Variants in PRKCB observed in about 807,000 individuals in gnomAD.
The protein encoded by PRKCB is protein kinase C beta type.
A neutral mutation model predicts 81.5 loss-of-function variants in PRKCB; 13 were observed. The ratio of observed to expected loss-of-function variants is 0.16; its 90% CI spans 0.10 to 0.25. The LOEUF is 0.25. PRKCB is among the 10% of genes least tolerant of loss of function. PRKCB has a pLI of 1.00. For missense variants in PRKCB, 509 were observed against 875.7 expected (o/e 0.58, Z 5.29); for synonymous variants, 335 against 321.4 (o/e 1.04, Z -0.45).
chr16:24,028,720 C>G (rs34001338), intron 3 of PRKCB, among the ~76,000 whole-genome samples: 61,717 of 152,042 alleles, frequency 0.41, 12,865 homozygotes, highest in South Asian at 0.62. Flanking sequence ...TCCATTCACA[C>G]GTCGAACGAC....
At chr16:24,016,301 G>C (rs995528001) in intron 3 of PRKCB, among the ~76,000 whole-genome samples, 2 of 152,134 alleles carry the variant, frequency 1.3e-5, no homozygotes, top group African/African-American at 4.8e-5. Flanking sequence ...GGCCTGGGTG[G>C]TCATGGTGAA....
intron 2 of PRKCB, among the ~76,000 whole-genome samples, chr16:23,974,759 A>G (rs1451502126): frequency 6.6e-6 from 1 of 152,142 alleles, no homozygotes; most frequent in African/African-American, 2.4e-5. Flanking sequence ...AACTGGAAAT[A>G]TTATGGGTTG....
chr16:23,968,295 T>C (rs1202930281), intron 2 of PRKCB, among the ~76,000 whole-genome samples: 1 of 152,138 alleles, frequency 6.6e-6, no homozygotes, highest in Admixed American at 6.5e-5. Context: ...GAAAGTTTCA[T>C]GAAAGGACTA....
intron 10 of PRKCB, among the ~76,000 whole-genome samples, chr16:24,168,078 T>C (rs566207659): frequency 6.6e-6 from 1 of 152,364 alleles, no homozygotes; most frequent in African/African-American, 2.4e-5. Flanking sequence ...ACATATAAGA[T>C]AAAGTTCTAT....
chr16:23,988,428 A>T, intron 2 of PRKCB, 80 bp from the exon 3 acceptor site: 2 of 1,114,270 alleles, frequency 1.8e-6, no homozygotes, highest in Non-Finnish European at 2.7e-6. Context: ...AAGTTTAATG[A>T]TCTCTTCCTC....
chr16:24,043,432 T>C (rs775373387), intron 5 of PRKCB, among the ~76,000 whole-genome samples: 16 of 152,168 alleles, frequency 1.1e-4, no homozygotes, highest in Non-Finnish European at 2.2e-4. Flanking sequence ...TTTTTTAGTA[T>C]TGTTGTAATG....
At chr16:23,984,621 C>A (rs954472799) in intron 2 of PRKCB, among the ~76,000 whole-genome samples, 1 of 151,804 alleles carries the variant, frequency 6.6e-6, no homozygotes, top group African/African-American at 2.4e-5. Flanking sequence ...AAAAAAATAA[C>A]GAGAGACTAC....
intron 11 of PRKCB, among the ~76,000 whole-genome samples, chr16:24,172,865 C>A (rs1235504174): frequency 6.6e-6 from 1 of 152,128 alleles, no homozygotes; most frequent in Non-Finnish European, 1.5e-5. Context: ...TGTCCATTTG[C>A]TAATATTTAT....
intron 2 of PRKCB, among the ~76,000 whole-genome samples, chr16:23,928,698 T>C (rs368633630): frequency 6.6e-6 from 1 of 151,748 alleles, no homozygotes; most frequent in East Asian, 1.9e-4. Flanking sequence ...TTTTGGTATC[T>C]AGTGGTTTTG....
chr16:23,917,235 A>C (rs554078463), intron 2 of PRKCB, among the ~76,000 whole-genome samples: 3 of 152,090 alleles, frequency 2.0e-5, no homozygotes, highest in African/African-American at 7.2e-5. Context: ...GGTGTGTGCT[A>C]CCACACCCGG....
chr16:23,912,839 T>TATTTATTTATTTA (rs59345283), intron 2 of PRKCB, among the ~76,000 whole-genome samples: 8 of 149,472 alleles, frequency 5.4e-5, no homozygotes, highest in South Asian at 2.1e-4. Context: ...TTTATTTATT[T>TATTTATTTATTTA]TTTGATATGG....
chr16:23,985,074 C>T (rs752680785), intron 2 of PRKCB, among the ~76,000 whole-genome samples: 9 of 151,960 alleles, frequency 5.9e-5, no homozygotes, highest in Non-Finnish European at 1.2e-4. Context: ...CTATTGCTTT[C>T]CTATTGTTTT....
rs559867164 is a variant in PRKCB at position 24,158,462 on chromosome 16, C to T, written c.1239+3605C>T. On this transcript the variant is annotated intron_variant, in intron 10 of 16. Coordinates refer to ENST00000643927, the MANE Select transcript of PRKCB (RefSeq NM_002738.7). Reference sequence around the variant, plus strand: ...TACATTTCAGGGCCAGGATTTGAACCCAGGCAGTCTGGCTTTAAGGAGTTT... The same window carrying T: ...TACATTTCAGGGCCAGGATTTGAACTCAGGCAGTCTGGCTTTAAGGAGTTT... Among the ~76,000 whole-genome samples, 4 of 151,948 alleles carry T rather than the reference C, an allele frequency of 2.6e-5. 1 individual carries two copies. The South Asian group carries it at 8.3e-4, about 32-fold the overall frequency.
intron 7 of PRKCB, among the ~76,000 whole-genome samples, chr16:24,107,647 C>T (rs1231671733): frequency 6.6e-6 from 1 of 152,224 alleles, no homozygotes; most frequent in Non-Finnish European, 1.5e-5. Flanking sequence ...GCAGTAGTGG[C>T]AGCGTCCTTC....
At chr16:23,879,929 G>A (rs1189625014) in intron 2 of PRKCB, among the ~76,000 whole-genome samples, 1 of 152,148 alleles carries the variant, frequency 6.6e-6, no homozygotes, top group Non-Finnish European at 1.5e-5. Context: ...TAACCTCTCT[G>A]TGCCTCAGTT....
intron 9 of PRKCB, among the ~76,000 whole-genome samples, chr16:24,143,241 T>C (rs75143183): frequency 0.02 from 2,978 of 152,242 alleles, 110 homozygotes; most frequent in African/African-American, 0.066. Flanking sequence ...CAAGCGAGTC[T>C]CCTGCCTCAG....
At chr16:23,974,876 G>A (rs974908474) in intron 2 of PRKCB, among the ~76,000 whole-genome samples, 2 of 152,162 alleles carry the variant, frequency 1.3e-5, no homozygotes, top group Non-Finnish European at 2.9e-5. Flanking sequence ...ACCATCGGGA[G>A]GAATCAGCTC....
Position 24,215,554 on chromosome 16 carries a change from A to G in PRKCB, c.*738A>G, listed in dbSNP as rs1968213295. On this transcript the variant is annotated 3_prime_UTR_variant, in exon 17 of 17. Coordinates refer to ENST00000643927, the MANE Select transcript of PRKCB (RefSeq NM_002738.7). The stretch of plus-strand genomic sequence containing the variant: ...CTCTCTGAAACAACACAGTCACTCT[A>G]GCAAGGCCCCCAAAGGGCCCTGGTT... 1.0e-6 allele frequency: 1 copy of G among 985,664 alleles called. No individual in the cohort carries two copies. The highest frequency in any genetic ancestry group is 4.7e-5 in the South Asian group (1 of 21,288). 61.1% of individuals were successfully genotyped at this position (985,664 alleles called of 1,614,324 possible).
At chr16:23,937,430 G>A (rs1964078010) in intron 2 of PRKCB, among the ~76,000 whole-genome samples, 1 of 152,196 alleles carries the variant, frequency 6.6e-6, no homozygotes, top group Admixed American at 6.5e-5. Flanking sequence ...CAAAGACTGA[G>A]TCTTGGCATC....
Sources: gnomAD v4.1 joint callset for allele counts (sites outside exome capture counted in the v4.1 genomes callset) on GRCh38, gnomAD v4.1.1 for gene constraint, MANE v1.5 for transcripts, NCBI Gene and HGNC (gene_info 2026-07-23, HGNC 2026-07-21) for gene names.